The following TBXAS1 variants were observed in gnomAD, a reference collection of about 807,000 sequenced individuals.
The protein encoded by TBXAS1 is thromboxane-A synthase.
TBXAS1 carries 48 observed loss-of-function variants against 60.7 expected under a neutral mutation model. That is an observed-to-expected ratio of 0.79 (90% CI 0.63 to 1.01). TBXAS1 has a LOEUF of 1.01. Ranked by LOEUF, TBXAS1 falls within the 50% of genes least tolerant of loss-of-function variation. TBXAS1 has a pLI of 0.00. For missense variants in TBXAS1, 685 were observed against 686.3 expected (o/e 1.00, Z 0.02); for synonymous variants, 287 against 269.7 (o/e 1.06, Z -0.63).
chr7:139,940,139 C>A (rs1808168917), intron 5 of TBXAS1, among the ~76,000 whole-genome samples: 1 of 152,082 alleles, frequency 6.6e-6, no homozygotes, highest in African/African-American at 2.4e-5. Flanking sequence ...TTCCTAATTC[C>A]AAAAGCAGCT....
chr7:139,898,704 G>A (rs926708712), intron 3 of TBXAS1, among the ~76,000 whole-genome samples: 2 of 152,180 alleles, frequency 1.3e-5, no homozygotes, highest in Admixed American at 6.5e-5. Flanking sequence ...TCCTCGCTCA[G>A]CTTCCTCGTC....
At chr7:139,985,786 C>T (rs1044103131) in intron 9 of TBXAS1, among the ~76,000 whole-genome samples, 2 of 152,346 alleles carry the variant, frequency 1.3e-5, no homozygotes, top group Admixed American at 1.3e-4. Flanking sequence ...CAGCACGGAA[C>T]TGGAGCATCA....
chr7:140,010,688 G>A (rs1354960624), intron 10 of TBXAS1, among the ~76,000 whole-genome samples: 1 of 152,172 alleles, frequency 6.6e-6, no homozygotes, highest in African/African-American at 2.4e-5. Flanking sequence ...AATTGCATTA[G>A]CAGCTTAGCA....
chr7:139,847,093 T>C (rs1177443446), intron 1 of TBXAS1, among the ~76,000 whole-genome samples: 1 of 152,214 alleles, frequency 6.6e-6, no homozygotes, highest in Non-Finnish European at 1.5e-5. Flanking sequence ...TGGCATCTGT[T>C]TACCTCTCAG....
At chr7:139,807,544 C>T (rs528660862) in intron 4 of TBXAS1, among the ~76,000 whole-genome samples, 85 of 152,136 alleles carry the variant, frequency 5.6e-4, no homozygotes, top group African/African-American at 1.7e-3. Context: ...CCATCATGCC[C>T]TGCTAATTTT....
At chr7:139,902,333 T>C (rs1804648991) in intron 3 of TBXAS1, among the ~76,000 whole-genome samples, 1 of 152,110 alleles carries the variant, frequency 6.6e-6, no homozygotes, top group South Asian at 2.1e-4. Flanking sequence ...TAATTTTATT[T>C]CAAGAATGTT....
chr7:139,963,632 G>A (rs1354529328), intron 9 of TBXAS1, among the ~76,000 whole-genome samples: 5 of 152,178 alleles, frequency 3.3e-5, no homozygotes, highest in Non-Finnish European at 7.3e-5. Flanking sequence ...AACGGTGACT[G>A]GGGTGCATTA....
rs188177448 is a variant in TBXAS1 at position 139,787,763 on chromosome 7, C to T, written c.-80+337C>T. Among the ~76,000 whole-genome samples, 79 of 152,304 alleles carry T rather than the reference C, an allele frequency of 5.2e-4. 1 individual carries two copies. Among genetic ancestry groups the T allele is most frequent in the Non-Finnish European group, 5.3e-4 (36 of 68,026 alleles). The stretch of plus-strand genomic sequence containing the variant: ...CTCTACTGCACCCCATTTTCCCTTA[C>T]CTGGTGTTCTTAACCTTTTTTCTTT... On this transcript the variant is annotated intron_variant, in intron 4 of 16. Coordinates refer to the TBXAS1 transcript ENST00000336425.
chr7:139,922,099 CT>C (rs557582196), intron 4 of TBXAS1, among the ~76,000 whole-genome samples: 2,947 of 139,694 alleles, frequency 0.021, 35 homozygotes, highest in South Asian at 0.03. Context: ...TTTTCTTTTT[CT>C]TTTTTTTTTT....
chr7:139,898,719 A>T (rs1804321182), intron 3 of TBXAS1, among the ~76,000 whole-genome samples: 1 of 152,096 alleles, frequency 6.6e-6, no homozygotes, highest in Non-Finnish European at 1.5e-5. Context: ...CTCGTCCCTG[A>T]CAAAGTGGCA....
chr7:139,788,572 G>A (rs1262264556), intron 4 of TBXAS1, among the ~76,000 whole-genome samples: 1 of 152,212 alleles, frequency 6.6e-6, no homozygotes, highest in Non-Finnish European at 1.5e-5. Context: ...GGGGCACCAT[G>A]CAGCTGCACC....
intron 9 of TBXAS1, among the ~76,000 whole-genome samples, chr7:139,982,883 G>A (rs1812066079): frequency 6.6e-6 from 1 of 152,008 alleles, no homozygotes; most frequent in African/African-American, 2.4e-5. Flanking sequence ...GCTCATTTGT[G>A]GCCAAACTCG....
intron 4 of TBXAS1, among the ~76,000 whole-genome samples, chr7:139,812,688 C>T (rs901650603): frequency 3.3e-5 from 5 of 152,192 alleles, no homozygotes; most frequent in Non-Finnish European, 5.9e-5. Context: ...TGGTGAGCCC[C>T]TGTGTCTTGC....
chr7:139,918,676 C>A (rs919607965), intron 4 of TBXAS1, among the ~76,000 whole-genome samples: 1 of 152,224 alleles, frequency 6.6e-6, no homozygotes, highest in Non-Finnish European at 1.5e-5. Flanking sequence ...TGCTGGAACT[C>A]CGTCAGGCAG....
intron 3 of TBXAS1, among the ~76,000 whole-genome samples, chr7:139,882,261 A>G (rs576016886): frequency 2.2e-4 from 33 of 152,322 alleles, no homozygotes; most frequent in African/African-American, 7.5e-4. Flanking sequence ...TTGTTCTTTG[A>G]CTTAGAAGAT....
At chr7:139,987,026 T>C (rs1485769866) in intron 9 of TBXAS1, among the ~76,000 whole-genome samples, 3 of 152,000 alleles carry the variant, frequency 2.0e-5, no homozygotes, top group African/African-American at 7.3e-5. Flanking sequence ...CTAGAAGCAA[T>C]TGGCCTGGGC....
intron 2 of TBXAS1, among the ~76,000 whole-genome samples, chr7:139,874,912 T>C (rs558039568): frequency 2.5e-4 from 38 of 152,218 alleles, no homozygotes; most frequent in Admixed American, 5.9e-4. Flanking sequence ...CTGGCCAACA[T>C]GGTGAAATCC....
chr7:139,972,668 C>A (rs1318654052), intron 9 of TBXAS1, among the ~76,000 whole-genome samples: 1 of 152,056 alleles, frequency 6.6e-6, no homozygotes, highest in Admixed American at 6.5e-5. Flanking sequence ...CCCCAAAAAA[C>A]CTTTTCGTCA....
intron 3 of TBXAS1, among the ~76,000 whole-genome samples, chr7:139,895,539 G>T (rs1804021424): frequency 1.3e-5 from 2 of 152,238 alleles, no homozygotes; most frequent in Non-Finnish European, 2.9e-5. Flanking sequence ...CCAGGAAGGG[G>T]GTGACCCCAG....
Sources: gnomAD v4.1 joint callset for allele counts (sites outside exome capture counted in the v4.1 genomes callset) on GRCh38, gnomAD v4.1.1 for gene constraint, MANE v1.5 for transcripts, NCBI Gene and HGNC (gene_info 2026-07-23, HGNC 2026-07-21) for gene names.